Variants in ST6GALNAC2 observed in about 807,000 individuals in gnomAD.
The protein encoded by ST6GALNAC2 is ST6 N-acetylgalactosaminide alpha-2,6-sialyltransferase 2, also known as alpha-N-acetylgalactosaminide alpha-2,6-sialyltransferase 2.
In ST6GALNAC2, 42 loss-of-function variants were observed where a neutral mutation model predicts 38.7. The ratio of observed to expected loss-of-function variants is 1.09; its 90% CI spans 0.85 to 1.40. The LOEUF is 1.40. Among genes scored for constraint, ST6GALNAC2 ranks in the 40% most tolerant of loss-of-function variants. The pLI is 0.00. For synonymous variants in ST6GALNAC2, 233 were observed against 209.0 expected (o/e 1.11, Z -0.99); for missense variants, 506 against 481.7 (o/e 1.05, Z -0.47).
chr17:76,566,253 T>G lies in ST6GALNAC2; in HGVS notation c.976A>C (p.Ile326Leu), dbSNP rs751012221. 1 of 1,614,174 alleles carries G rather than the reference T, an allele frequency of 6.2e-7. No individual in the cohort carries two copies. The highest frequency in any genetic ancestry group is 8.5e-7 in the Non-Finnish European group (1 of 1,180,030). Residue 326 changes from isoleucine (I) to leucine (L), a missense_variant, in exon 9 of 9, where the codon ATC becomes CTC. Physicochemically the swap from Ile to Leu is conservative, Grantham distance 5. Coordinates refer to ENST00000225276, the MANE Select transcript of ST6GALNAC2 (RefSeq NM_006456.3). ...TCDQVSAYGF[I>L]TSNYWKFSDH... Reference sequence around the variant, plus strand: ...GAAAATTTCCAGTAGTTGCTTGTGATGAATCCATAGGCACTGACCTGGGCA... The same window carrying G: ...GAAAATTTCCAGTAGTTGCTTGTGAGGAATCCATAGGCACTGACCTGGGCA...
In ST6GALNAC2 at chr17:76,573,210, T is replaced by TTC. The variant is rs751367151; in HGVS notation, c.514_515insGA (p.His172ArgfsTer12). ...CCCCTCATACCTGAATACATAGTCA[T>TTC]GGGCATCGATGTTGGGACCCTGGCG... On this transcript the variant is annotated frameshift_variant, in exon 4 of 9. Transcript: ENST00000225276. LOFTEE classifies it high-confidence loss of function. The surrounding 1 kb of genome is among the most constrained non-coding windows in gnomAD (Gnocchi z 5.1). 14 of 1,594,432 alleles carry TTC rather than the reference T, an allele frequency of 8.8e-6. No individual in the cohort carries two copies. The highest frequency in any genetic ancestry group is 1.1e-5 in the Non-Finnish European group (13 of 1,168,102).
chr17:76,573,950 C>T lies in ST6GALNAC2; in HGVS notation c.361+415G>A, dbSNP rs2075383720. 2.0e-5 allele frequency among the ~76,000 whole-genome samples: 3 copies of T among 151,798 alleles called. No individual in the cohort carries two copies. The highest frequency in any genetic ancestry group is 2.1e-4 in the South Asian group (1 of 4,814). ...CAAAAATAAAAAAGACTGTATATTG[C>T]AAAAGAAAAGAATCGGAGGCCTGTG... On this transcript the variant is annotated intron_variant, in intron 3 of 8. Coordinates refer to ENST00000225276, the MANE Select transcript of ST6GALNAC2 (RefSeq NM_006456.3). The surrounding 1 kb of genome is among the most constrained non-coding windows in gnomAD (Gnocchi z 5.1).
chr17:76,568,015 A>G (rs2143288411), intron 7 of ST6GALNAC2: 1 of 171,684 alleles, frequency 5.8e-6, no homozygotes, highest in Non-Finnish European at 1.3e-5. Flanking sequence ...TGCCAGGCCG[A>G]TCACCTGACC....
intron 2 of ST6GALNAC2, among the ~76,000 whole-genome samples, 181 bp downstream of exon 2, chr17:76,578,575 A>G (rs892979339): frequency 6.6e-6 from 1 of 152,160 alleles, no homozygotes; most frequent in Non-Finnish European, 1.5e-5. Flanking sequence ...GTTGGGCCAC[A>G]AGAAACCCTA....
At chr17:76,577,739 AT>A (rs2075433164) in intron 2 of ST6GALNAC2, among the ~76,000 whole-genome samples, 1 of 151,334 alleles carries the variant, frequency 6.6e-6, no homozygotes, top group Non-Finnish European at 1.5e-5. Flanking sequence ...TGCCTGCCTA[AT>A]TTTTTGTATT....
chr17:76,577,210 G>A (rs1033459557), intron 2 of ST6GALNAC2, among the ~76,000 whole-genome samples: 1 of 151,466 alleles, frequency 6.6e-6, no homozygotes, highest in Non-Finnish European at 1.5e-5. Context: ...GGGATTACAG[G>A]CGCCTGCCAC....
chr17:76,574,235 G>A, intron 3 of ST6GALNAC2, 130 bp downstream of exon 3: 5 of 1,102,126 alleles, frequency 4.5e-6, no homozygotes, highest in Non-Finnish European at 6.4e-6. Flanking sequence ...TGGGGCTTCT[G>A]GGAGGAGAGA....
At chr17:76,569,624 TA>T (rs1427601955) in intron 6 of ST6GALNAC2, 3 of 395,052 alleles carry the variant, frequency 7.6e-6, no homozygotes, top group African/African-American at 6.3e-5. Flanking sequence ...GGGGATGGAT[TA>T]GGGGTGTGGG....
chr17:76,584,443 A>G (rs1313897360), intron 1 of ST6GALNAC2, among the ~76,000 whole-genome samples: 1 of 152,064 alleles, frequency 6.6e-6, no homozygotes, highest in Admixed American at 6.6e-5. Flanking sequence ...TTGCATTGAG[A>G]TACTTTGTGT....
rs928977890 is a variant in ST6GALNAC2 at position 76,573,775 on chromosome 17, A to G, written c.362-412T>C. ...AAACCATGTCTCTATTAAAAATACA[A>G]AAATTAGCCAGGCGTGGTGGTGCGT... On this transcript the variant is annotated intron_variant, in intron 3 of 8. Coordinates refer to ENST00000225276, the MANE Select transcript of ST6GALNAC2 (RefSeq NM_006456.3). The surrounding 1 kb of genome is among the most constrained non-coding windows in gnomAD (Gnocchi z 5.1). Among the ~76,000 whole-genome samples the G allele has an allele frequency of 9.2e-5, 14 of 152,038 alleles. No individual in the cohort carries two copies. The highest frequency in any genetic ancestry group is 3.1e-4 in the African/African-American group (13 of 41,388).
chr17:76,566,910 T>C (rs1235506336), intron 8 of ST6GALNAC2, among the ~76,000 whole-genome samples: 1 of 152,116 alleles, frequency 6.6e-6, no homozygotes, highest in Admixed American at 6.6e-5. Flanking sequence ...AGCTTTAGCA[T>C]GGGTCACGGC....
rs374744600 is a variant in ST6GALNAC2 at position 76,567,608 on chromosome 17, CACA to C, written c.858-59_858-57del. On this transcript the variant is annotated intron_variant, in intron 7 of 8. Coordinates refer to ENST00000225276, the MANE Select transcript of ST6GALNAC2 (RefSeq NM_006456.3). ...TAGCTTGATGGCTATCATCACACTT[CACA>C]ACTACACATTCAAATAGGTGGGAAA... 1.7e-4 allele frequency: 190 copies of C among 1,143,418 alleles called. No individual in the cohort carries two copies. In the African/African-American group the frequency reaches 2.7e-3, roughly 16 times the overall value. The allele number at this position is 1,143,418 out of a possible 1,614,324, so 70.8% of individuals were successfully genotyped here. A position where few individuals can be genotyped will look rare whatever the true frequency, so the allele number is the denominator to read the frequency against.
chr17:76,570,199 C>T (rs946535289), intron 6 of ST6GALNAC2: 47 of 257,888 alleles, frequency 1.8e-4, no homozygotes, highest in African/African-American at 9.7e-4. Context: ...GACAGCGGAC[C>T]CAGCCCAGTC....
intron 5 of ST6GALNAC2, 95 bp from the exon 6 acceptor site, chr17:76,570,763 G>C: frequency 1.1e-6 from 1 of 930,546 alleles, no homozygotes; most frequent in East Asian, 2.6e-5. Context: ...CCCCTGAGCC[G>C]ACTGGAGAAT....
chr17:76,578,144 G>T (rs560817765), intron 2 of ST6GALNAC2, among the ~76,000 whole-genome samples: 13 of 152,262 alleles, frequency 8.5e-5, no homozygotes, highest in South Asian at 4.1e-4. Flanking sequence ...ATCGCGCAAT[G>T]GTTCTGAGCC....
Position 76,570,560 on chromosome 17 carries a change from C to G in ST6GALNAC2, c.773+5G>C, listed in dbSNP as rs777802463. 7 of 1,604,206 alleles carry G rather than the reference C, an allele frequency of 4.4e-6. No individual in the cohort carries two copies. The highest frequency in any genetic ancestry group is 6.0e-6 in the Non-Finnish European group (7 of 1,173,858). ...GCCCCACACCACCACGGCCTGGCTG[C>G]TCACCTGTCCCCTTTATCTAGGCCC... On this transcript the variant is annotated splice_donor_5th_base_variant and intron_variant, in intron 6 of 8. Coordinates refer to ENST00000225276, the MANE Select transcript of ST6GALNAC2 (RefSeq NM_006456.3).
intron 1 of ST6GALNAC2, among the ~76,000 whole-genome samples, chr17:76,583,076 A>T (rs1005320997): frequency 2.0e-5 from 3 of 152,202 alleles, no homozygotes; most frequent in African/African-American, 7.2e-5. Context: ...TGTGTTTTTT[A>T]AAAAATGTAT....
chr17:76,571,694 A>T (rs1379984517), intron 5 of ST6GALNAC2, among the ~76,000 whole-genome samples: 1 of 152,102 alleles, frequency 6.6e-6, no homozygotes, highest in Admixed American at 6.5e-5. Context: ...ATGGTAGGAC[A>T]CTCCTTAAGC....
In ST6GALNAC2 at chr17:76,585,822, G is replaced by A. The variant is rs777028890; in HGVS notation, c.-14C>T. 1.3e-6 allele frequency: 2 copies of A among 1,530,238 alleles called. No homozygotes were observed. Among genetic ancestry groups the A allele is most frequent in the African/African-American group, 1.4e-5 (1 of 70,146 alleles). 94.8% of individuals were successfully genotyped at this position (1,530,238 alleles called of 1,614,324 possible). A position where few individuals can be genotyped will look rare whatever the true frequency, so the allele number is the denominator to read the frequency against. On this transcript the variant is annotated 5_prime_UTR_variant, in exon 1 of 9. Transcript: ENST00000225276. The stretch of plus-strand genomic sequence containing the variant: ...CGGGAGCCCCATACAGCCCCGGCCC[G>A]CGAGCGCCCCGTCCGCTGACGTCCC...
Sources: allele counts gnomAD v4.1 joint callset (sites outside exome capture counted in the v4.1 genomes callset), GRCh38; gene constraint gnomAD v4.1.1; non-coding constraint Gnocchi (gnomAD v3.1); transcripts MANE v1.5; gene names NCBI Gene and HGNC (gene_info 2026-07-23, HGNC 2026-07-21).